Variants in PIN4 observed in about 807,000 individuals in gnomAD.
PIN4 encodes peptidylprolyl cis/trans isomerase, NIMA-interacting 4, also known as peptidyl-prolyl cis-trans isomerase NIMA-interacting 4.
PIN4 carries 3 observed loss-of-function variants against 8.3 expected under a neutral mutation model. The observed-to-expected ratio is 0.36, with a 90% CI of 0.16 to 0.93. The LOEUF (loss-of-function observed/expected upper bound fraction) is 0.93, where lower values mean the gene tolerates loss of function less well. Ranked by LOEUF, PIN4 falls within the 40% of genes least tolerant of loss-of-function variation. The pLI, the probability that PIN4 is intolerant of heterozygous loss-of-function variation, is 0.44. For synonymous variants in PIN4, 18 were observed against 32.5 expected (o/e 0.55, Z 1.52); for missense variants, 75 against 100.6 (o/e 0.75, Z 1.09).
At chrX:72,251,212 A>T (rs1807119848) in intron 3 of PIN4, among the ~76,000 whole-genome samples, 2 of 106,246 alleles carry the variant, frequency 1.9e-5, no homozygotes, top group South Asian at 9.1e-4. Flanking sequence ...AAAAAAAAAA[A>T]ATTACCCGGG....
At chrX:72,207,682 G>A in intron 3 of PIN4, 1 of 1,210,305 alleles carries the variant, frequency 8.3e-7, no homozygotes, top group East Asian at 3.0e-5. Context: ...ATTTTTCCTG[G>A]AAAGGGAAGG....
intron 3 of PIN4, among the ~76,000 whole-genome samples, chrX:72,260,271 G>A (rs185210750): frequency 3.6e-5 from 4 of 112,212 alleles, no homozygotes; most frequent in East Asian, 2.8e-4. Flanking sequence ...GTGTCCTTCC[G>A]AGGGGAGGCA....
downstream of PIN4, among the ~76,000 whole-genome samples, chrX:72,200,935 C>CAA (rs1299748661): frequency 8.9e-6 from 1 of 112,136 alleles, no homozygotes; most frequent in Non-Finnish European, 1.9e-5. Flanking sequence ...TGCGGTGGCT[C>CAA]ACACCTGTAA....
At chrX:72,202,444 T>TA (rs1213736657), downstream of PIN4, among the ~76,000 whole-genome samples, 1 of 112,574 alleles carries the variant, frequency 8.9e-6, no homozygotes, top group Non-Finnish European at 1.9e-5. Flanking sequence ...TGAAGGCAAA[T>TA]ACATTGTGTG....
chrX:72,186,205 T>G, intron 1 of PIN4: 2 of 396,896 alleles, frequency 5.0e-6, no homozygotes, highest in Non-Finnish European at 4.5e-6. Flanking sequence ...CATTATGAGA[T>G]TTTTATTTGT....
chrX:72,210,201 A>AT lies in PIN4; in HGVS notation c.312+13297_312+13298insT, dbSNP rs1263276767. 2.4e-4 allele frequency among the ~76,000 whole-genome samples: 21 copies of AT among 86,884 alleles called. No individual in the cohort carries two copies. In the South Asian group the frequency reaches 3.9e-3, roughly 16 times the overall value. 75.4% of individuals were successfully genotyped at this position (86,884 alleles called of 115,157 possible). A position where few individuals can be genotyped will look rare whatever the true frequency, so the allele number is the denominator to read the frequency against. On this transcript the variant is annotated intron_variant, in intron 3 of 3. Transcript: ENST00000423432. ...AATAACATAGCGAGACTGTCTCTTA[A>AT]AAAATAAATAAATAAATAAATAAAT...
rs938547889 is a variant in PIN4, at chrX:72,197,994, G to T, written c.*468G>T. 25 of 750,737 alleles carry T rather than the reference G, an allele frequency of 3.3e-5. No homozygotes were observed. The African/African-American group carries it at 5.5e-4, about 17-fold the overall frequency. The allele number at this position is 750,737 out of a possible 1,213,427, so 61.9% of individuals were successfully genotyped here. A position where few individuals can be genotyped will look rare whatever the true frequency, so the allele number is the denominator to read the frequency against. On this transcript the variant is annotated 3_prime_UTR_variant, in exon 4 of 4. Coordinates refer to ENST00000373669, the MANE Select transcript of PIN4 (RefSeq NM_006223.4). Reference sequence around the variant, plus strand: ...CAACTCTGATCTTCCAGGACAGGTGGTATTAGCTCCACTGTCTTAACATAG... The same window carrying T: ...CAACTCTGATCTTCCAGGACAGGTGTTATTAGCTCCACTGTCTTAACATAG...
At chrX:72,209,979 T>C (rs2042843396) in intron 3 of PIN4, among the ~76,000 whole-genome samples, 1 of 108,828 alleles carries the variant, frequency 9.2e-6, no homozygotes, top group Non-Finnish European at 1.9e-5. Flanking sequence ...CTACAAAACT[T>C]AGGAAAAAAT....
At chrX:72,261,966 T>C (rs925850058) in intron 3 of PIN4, among the ~76,000 whole-genome samples, 2 of 110,194 alleles carry the variant, frequency 1.8e-5, no homozygotes, top group African/African-American at 6.6e-5. Context: ...CTCTGAGTCC[T>C]CCAGCCCCCT....
chrX:72,247,080 A>G (rs1347242991), intron 3 of PIN4, among the ~76,000 whole-genome samples: 3 of 112,016 alleles, frequency 2.7e-5, no homozygotes, highest in African/African-American at 9.7e-5. Context: ...GAGAACTAGA[A>G]TGAGGCCTTG....
intron 1 of PIN4, among the ~76,000 whole-genome samples, chrX:72,185,147 CA>C (rs746215043): frequency 4.5e-4 from 11 of 24,455 alleles, no homozygotes; most frequent in Non-Finnish European, 7.0e-4. Context: ...GACTCCGTCT[CA>C]AAAAAAAAAA....
At chrX:72,237,637 G>A (rs902290078) in intron 3 of PIN4, among the ~76,000 whole-genome samples, 34 of 106,008 alleles carry the variant, frequency 3.2e-4, no homozygotes, top group African/African-American at 1.1e-3. Context: ...GGTGGTGTGC[G>A]CCTGTGGTCC....
rs191344361 is a variant in PIN4 at position 72,257,140 on chromosome X, G to A, written c.313-5567G>A. Among the ~76,000 whole-genome samples, 384 of 111,092 alleles carry A rather than the reference G, an allele frequency of 3.5e-3. 2 individuals are homozygous for A. Among genetic ancestry groups the A allele is most frequent in the African/African-American group, 0.012 (368 of 30,568 alleles). ...TCGAGACCATCCTGGCTAACACGGT[G>A]AAACCCCGTCTCTACTAAAAATACA... On this transcript the variant is annotated intron_variant, in intron 3 of 3. Coordinates refer to the PIN4 transcript ENST00000423432.
At chrX:72,213,609 G>A (rs1174842651) in intron 3 of PIN4, among the ~76,000 whole-genome samples, 1 of 112,117 alleles carries the variant, frequency 8.9e-6, no homozygotes, top group African/African-American at 3.2e-5. Context: ...ATGGCAGGGT[G>A]TCCGCTGCGT....
chrX:72,208,747 G>A, intron 3 of PIN4: 1 of 1,010,505 alleles, frequency 9.9e-7, no homozygotes, highest in Non-Finnish European at 1.3e-6. Context: ...TGAACATTCA[G>A]TCTAAGAATG....
intron 3 of PIN4, among the ~76,000 whole-genome samples, chrX:72,212,770 G>A (rs1019611946): frequency 1.8e-5 from 2 of 111,320 alleles, no homozygotes; most frequent in Admixed American, 9.5e-5. Context: ...GTGAAGCCCT[G>A]GTCTCTACAA....
rs776516099 is a variant in PIN4, at chrX:72,205,533, T to G, written c.312+8629T>G. 2.5e-6 allele frequency: 3 copies of G among 1,209,781 alleles called. No individual in the cohort carries two copies. The Admixed American group carries it at 6.6e-5, about 26-fold the overall frequency. ...TAGACTTATTTACACTACTGGGTAT[T>G]TGAGATGAAAAGAACCTTCCTGGTG... On this transcript the variant is annotated intron_variant, in intron 3 of 3. Transcript: ENST00000423432.
Position 72,198,278 on chromosome X carries a change from A to G in PIN4, c.*752A>G. 1.4e-6 allele frequency: 1 copy of G among 714,257 alleles called. No individual in the cohort carries two copies. The allele number at this position is 714,257 out of a possible 1,213,427, so 58.9% of individuals were successfully genotyped here. ...AAAATGCCATATTTATGACATATAA[A>G]AAAGTATAAAGATTACTAATATAAA... On this transcript the variant is annotated 3_prime_UTR_variant, in exon 4 of 4. Transcript: ENST00000373669.
At chrX:72,205,374 C>T (rs142184840) in intron 3 of PIN4, 1 of 1,210,581 alleles carries the variant, frequency 8.3e-7, no homozygotes, top group East Asian at 3.0e-5. Context: ...TGCTTTCCTC[C>T]ACCCCTTCTT....
Sources: allele counts gnomAD v4.1 joint callset (sites outside exome capture counted in the v4.1 genomes callset), GRCh38; gene constraint gnomAD v4.1.1; transcripts MANE v1.5; gene names NCBI Gene and HGNC (gene_info 2026-07-23, HGNC 2026-07-21).